ABCA13: variants seen among roughly 807,000 people sequenced by gnomAD.
The protein encoded by ABCA13 is ATP binding cassette subfamily A member 13.
In ABCA13, 476 loss-of-function variants were observed where a neutral mutation model predicts 478.7. The observed-to-expected ratio is 0.99, with a 90% CI of 0.92 to 1.07. The LOEUF (loss-of-function observed/expected upper bound fraction) is 1.07, where lower values mean the gene tolerates loss of function less well. Among genes scored for constraint, ABCA13 ranks in the 50% least tolerant of loss-of-function variants. The probability of loss-of-function intolerance (pLI) is 0.00; values close to 1 mark genes in which losing one functional copy is unlikely to be tolerated. For missense variants in ABCA13, 6,060 were observed against 5,910.6 expected (o/e 1.03, Z -0.83); for synonymous variants, 2,252 against 2,158.9 (o/e 1.04, Z -1.20).
intron 55 of ABCA13, among the ~76,000 whole-genome samples, chr7:48,536,909 A>G (rs1833623626): frequency 6.6e-6 from 1 of 151,966 alleles, no homozygotes; most frequent in South Asian, 2.1e-4. Flanking sequence ...GCTATTAACT[A>G]TTTTGCATTT....
At chr7:48,468,056 A>T (rs1298059123) in intron 44 of ABCA13, among the ~76,000 whole-genome samples, 2 of 152,194 alleles carry the variant, frequency 1.3e-5, no homozygotes, top group African/African-American at 2.4e-5. Flanking sequence ...AAAAATTGAA[A>T]TGTAACCTAG....
intron 23 of ABCA13, among the ~76,000 whole-genome samples, chr7:48,299,222 C>T (rs761910013): frequency 4.6e-5 from 7 of 152,162 alleles, no homozygotes; most frequent in Admixed American, 6.5e-5. Context: ...AAGTAGTAAC[C>T]GTGGAGCTGA....
At chr7:48,269,431 G>A (rs1304237932) in intron 16 of ABCA13, among the ~76,000 whole-genome samples, 1 of 152,172 alleles carries the variant, frequency 6.6e-6, no homozygotes, top group African/African-American at 2.4e-5. Context: ...TAGAGTTTAA[G>A]CAGGAAATCA....
At chr7:48,486,604 C>G (rs1460461755) in intron 47 of ABCA13, among the ~76,000 whole-genome samples, 4 of 152,140 alleles carry the variant, frequency 2.6e-5, no homozygotes, top group African/African-American at 9.7e-5. Flanking sequence ...CAGTAACACC[C>G]CATTCCAGTG....
chr7:48,390,230 AGAT>A (rs1212940424), intron 37 of ABCA13, among the ~76,000 whole-genome samples: 1 of 152,216 alleles, frequency 6.6e-6, no homozygotes, highest in Non-Finnish European at 1.5e-5. Context: ...TGGAGTTTCT[AGAT>A]GATTTAAAGT....
At position 48,202,458 on chromosome 7, in the gene ABCA13, GT is replaced by G. The variant is rs1448288950; in HGVS notation, c.287+4101del. Among the ~76,000 whole-genome samples, 3 of 148,598 alleles carry G rather than the reference GT, an allele frequency of 2.0e-5. No individual in the cohort carries two copies. The East Asian group carries it at 6.0e-4, about 30-fold the overall frequency. The stretch of plus-strand genomic sequence containing the variant: ...CTAGACACAGGGTGCTGAGTGGTGT[GT>G]TTACAAACCTTGAGCTAGACATAAA... On this transcript the variant is annotated intron_variant, in intron 3 of 61. Transcript: ENST00000435803.
chr7:48,427,949 A>G, intron 42 of ABCA13, 78 bp downstream of exon 42: 1 of 1,007,282 alleles, frequency 9.9e-7, no homozygotes, highest in Non-Finnish European at 1.4e-6. Flanking sequence ...TTGTTTTAAA[A>G]GTTGTATAGC....
In ABCA13 at chr7:48,241,043, A is replaced by T. The variant is rs371580768; in HGVS notation, c.1239A>T (p.Lys413Asn). Reference sequence around the variant, plus strand: ...ACAGCTTGTCAGCAGATGGCCCAAAAGATAATCATACATTTCCAAAGATGT... The same window carrying T: ...ACAGCTTGTCAGCAGATGGCCCAAATGATAATCATACATTTCCAAAGATGT... ...LNDSLSADGP[K>N]DNHTFPKILQ... Residue 413 changes from lysine (K) to asparagine (N), a missense_variant, in exon 10 of 62, where the codon AAA (lysine) becomes AAT (asparagine). By Grantham distance (94) the Lys-to-Asn change is moderately conservative. Around this residue, in one of 3 missense-constraint regions of ABCA13, gnomAD observed 4,423 missense variants for 4,309.1 expected, o/e 1.03. Coordinates refer to ENST00000435803, the MANE Select transcript of ABCA13 (RefSeq NM_152701.5). The T allele has an allele frequency of 1.2e-6, 2 of 1,614,058 alleles. No homozygotes were observed. The highest frequency in any genetic ancestry group is 1.7e-6 in the Non-Finnish European group (2 of 1,179,892).
At chr7:48,565,982 T>C (rs1787015873) in intron 55 of ABCA13, among the ~76,000 whole-genome samples, 1 of 152,144 alleles carries the variant, frequency 6.6e-6, no homozygotes, top group African/African-American at 2.4e-5. Context: ...AACCTTCCTA[T>C]AAAGTATGGC....
intron 55 of ABCA13, among the ~76,000 whole-genome samples, chr7:48,570,666 T>C (rs189678454): frequency 6.0e-4 from 92 of 152,154 alleles, no homozygotes; most frequent in African/African-American, 2.2e-3. Flanking sequence ...GATTCTAAAG[T>C]GTATATTTTA....
Position 48,193,065 on chromosome 7 carries a change from T to C in ABCA13, c.163+13T>C. ...TACAGAGACATTTGTAAGTTTCACT[T>C]TTTAATATACTTTTTGAATTAACCT... is the stretch of plus-strand genomic sequence containing the variant. On this transcript the variant is annotated intron_variant, in intron 2 of 61. Transcript: ENST00000435803. 1 of 1,508,750 alleles carries C rather than the reference T, an allele frequency of 6.6e-7. No individual in the cohort carries two copies. The highest frequency in any genetic ancestry group is 8.8e-7 in the Non-Finnish European group (1 of 1,130,012). 93.5% of individuals were successfully genotyped at this position (1,508,750 alleles called of 1,614,324 possible).
Position 48,273,793 on chromosome 7 carries a change from A to C in ABCA13, c.4127A>C (p.Asp1376Ala). The C allele has an allele frequency of 6.2e-7, 1 of 1,611,612 alleles. No homozygotes were observed. The highest frequency in any genetic ancestry group is 8.5e-7 in the Non-Finnish European group (1 of 1,178,684). ...TCACAGAGGATGTTACGTATTCTAGACACGTTAAATTCCACATTTTCCTCT... is the reference window on the plus strand; with the variant it reads ...TCACAGAGGATGTTACGTATTCTAGCCACGTTAAATTCCACATTTTCCTCT... ...NTSQRMLRIL[D>A]TLNSTFSSEN... The change falls in exon 17 of 62, where the codon GAC becomes GCC. Residue 1376 changes from aspartate (D) to alanine (A), a missense_variant. Physicochemically the swap from Asp to Ala is moderately radical, Grantham distance 126 (BLOSUM62 -2). Transcript: ENST00000435803.
intron 55 of ABCA13, among the ~76,000 whole-genome samples, chr7:48,565,945 G>T (rs1218889427): frequency 1.3e-5 from 2 of 152,152 alleles, no homozygotes; most frequent in Non-Finnish European, 2.9e-5. Context: ...GTCACTTGAT[G>T]AAAGGGCAGG....
chr7:48,294,738 G>A (rs538642325), intron 20 of ABCA13, among the ~76,000 whole-genome samples: 13 of 152,208 alleles, frequency 8.5e-5, no homozygotes, highest in African/African-American at 2.9e-4. Flanking sequence ...GAGCCACCGC[G>A]CCCGGCCCGT....
intron 55 of ABCA13, among the ~76,000 whole-genome samples, chr7:48,557,151 A>G (rs969631283): frequency 1.3e-5 from 2 of 151,968 alleles, no homozygotes; most frequent in African/African-American, 4.8e-5. Flanking sequence ...TGTACTATCT[A>G]TGTCTTCAAA....
In ABCA13 at chr7:48,274,995, C is replaced by T. The variant is rs370668802; in HGVS notation, c.5329C>T (p.Leu1777Phe). ...CCTCAAGGATGTCTACAGCTTCACA[C>T]TCCTTCATGGCATAACCATTTCAAA... The part of the protein sequence containing the change: ...EGLKDVYSFT[L>F]LHGITISNIT... The change falls in exon 17 of 62, where the codon CTC (leucine) becomes TTC (phenylalanine). Residue 1777 changes from leucine to phenylalanine, a missense_variant. Transcript: ENST00000435803. 4.3e-5 allele frequency: 69 copies of T among 1,613,942 alleles called. No individual in the cohort carries two copies. The Middle Eastern group carries it at 1.2e-3, about 27-fold the overall frequency.
chr7:48,285,943 A>G (rs764814559), intron 19 of ABCA13, among the ~76,000 whole-genome samples: 11 of 152,244 alleles, frequency 7.2e-5, no homozygotes, highest in Non-Finnish European at 1.6e-4. Flanking sequence ...CAAATAAGGC[A>G]TCAAGGTGGG....
chr7:48,307,296 C>T (rs1205818614), intron 23 of ABCA13, among the ~76,000 whole-genome samples: 1 of 152,216 alleles, frequency 6.6e-6, no homozygotes, highest in Non-Finnish European at 1.5e-5. Flanking sequence ...GGCTACAAAC[C>T]TGTACAGCAG....
intron 55 of ABCA13, among the ~76,000 whole-genome samples, chr7:48,545,218 A>C (rs1440263008): frequency 1.3e-5 from 2 of 151,852 alleles, no homozygotes; most frequent in East Asian, 1.9e-4. Flanking sequence ...CTCTGTATAA[A>C]GCTAGGATCG....
Sources: gnomAD v4.1 joint callset for allele counts (sites outside exome capture counted in the v4.1 genomes callset) on GRCh38, gnomAD v4.1.1 for gene constraint, gnomAD v4.1.1 regional missense constraint, MANE v1.5 for transcripts, NCBI Gene and HGNC (gene_info 2026-07-23, HGNC 2026-07-21) for gene names.